Variants in ZNF143 observed in about 807,000 individuals in gnomAD.
ZNF143 encodes the protein SPH-binding factor.
In ZNF143, 49 loss-of-function variants were observed where a neutral mutation model predicts 74.1. The observed-to-expected ratio is 0.66, with a 90% CI of 0.53 to 0.84. The LOEUF (loss-of-function observed/expected upper bound fraction) is 0.84, where lower values mean the gene tolerates loss of function less well. ZNF143 is among the 40% of genes least tolerant of loss of function. The pLI, the probability that ZNF143 is intolerant of heterozygous loss-of-function variation, is 0.00. For synonymous variants in ZNF143, 304 were observed against 282.8 expected (o/e 1.07, Z -0.75); for missense variants, 637 against 793.4 (o/e 0.80, Z 2.37).
chr11:9,496,492 A>T (rs908719589), intron 9 of ZNF143, 114 bp downstream of exon 9: 1 of 834,368 alleles, frequency 1.2e-6, no homozygotes, highest in Non-Finnish European at 2.0e-6. Context: ...GCACATGATC[A>T]GTTTTTCAGT....
chr11:9,461,152 GCCC>G (rs2133788970), intron 1 of ZNF143, 76 bp downstream of exon 1: 1 of 898,470 alleles, frequency 1.1e-6, no homozygotes, highest in Non-Finnish European at 1.3e-6. Flanking sequence ...GGCGGCGCGG[GCCC>G]GCTTGGGCCC....
intron 5 of ZNF143, among the ~76,000 whole-genome samples, chr11:9,476,153 CT>C (rs1205156252): frequency 2.0e-5 from 3 of 150,726 alleles, no homozygotes; most frequent in Non-Finnish European, 3.0e-5. Context: ...TTCAAAGCTA[CT>C]TTTTTTTTGC....
At chr11:9,473,738 A>G (rs1248783723) in intron 3 of ZNF143, 3 of 1,499,748 alleles carry the variant, frequency 2.0e-6, no homozygotes, top group African/African-American at 2.8e-5. Flanking sequence ...ATTGCAGGGG[A>G]GGAAGGATGG....
chr11:9,462,110 A>AT (rs1230741974), intron 1 of ZNF143: 1 of 152,206 alleles, frequency 6.6e-6, no homozygotes, highest in Non-Finnish European at 1.5e-5. Flanking sequence ...AAATAACGTG[A>AT]TAAGGAGATC....
At chr11:9,515,506 T>C (rs1848690863) in intron 13 of ZNF143, among the ~76,000 whole-genome samples, 1 of 151,498 alleles carries the variant, frequency 6.6e-6, no homozygotes, top group Non-Finnish European at 1.5e-5. Context: ...AAAAAAAAAT[T>C]AGCTGGGCGT....
chr11:9,514,554 G>C (rs190602712), intron 13 of ZNF143, among the ~76,000 whole-genome samples: 25 of 152,308 alleles, frequency 1.6e-4, no homozygotes. Context: ...GATACAGAAA[G>C]TGCTGTGGCA....
intron 11 of ZNF143, among the ~76,000 whole-genome samples, chr11:9,501,636 G>A (rs957084311): frequency 2.6e-5 from 4 of 152,062 alleles, no homozygotes; most frequent in Admixed American, 1.3e-4. Context: ...TTTTGGGAGG[G>A]GTTTCTGGGA....
intron 15 of ZNF143, among the ~76,000 whole-genome samples, chr11:9,525,972 C>T (rs934742463): frequency 6.6e-6 from 1 of 151,534 alleles, no homozygotes; most frequent in Non-Finnish European, 1.5e-5. Context: ...TGAAAACCAT[C>T]ACTACAAAAA....
intron 12 of ZNF143, among the ~76,000 whole-genome samples, chr11:9,510,484 A>T (rs981086711): frequency 2.0e-5 from 3 of 152,188 alleles, no homozygotes; most frequent in Admixed American, 6.5e-5. Context: ...TTATTTAAAA[A>T]CAAAACTAAA....
chr11:9,485,093 G>A lies in ZNF143; in HGVS notation c.645+5547G>A, dbSNP rs574348807. Among the ~76,000 whole-genome samples the A allele has an allele frequency of 4.2e-4, 63 of 150,570 alleles. 1 individual carries two copies. In the South Asian group the frequency reaches 6.5e-3, roughly 15 times the overall value. On this transcript the variant is annotated intron_variant, in intron 7 of 15. Transcript: ENST00000396602. ...ATTACAGGCGTGACCCACCGCGCCC[G>A]GCCGCCAAAGATTTTTTAAGATAAT...
Position 9,478,517 on chromosome 11 carries a change from A to C in ZNF143, c.501A>C (p.Ala167=), listed in dbSNP as rs751887230. ...ILAIQADGTV[A]GLHTGDATID... ...CAATTCAGGCTGATGGGACAGTGGC[A>C]GGTCTGCACACTGGGGATGCTACAA... Residue 167 remains alanine, a synonymous_variant, in exon 6 of 16, where the codon GCA becomes GCC. Transcript: ENST00000396602. The C allele has an allele frequency of 6.2e-6, 10 of 1,614,096 alleles. No homozygotes were observed. The South Asian group carries it at 1.1e-4, about 18-fold the overall frequency.
At chr11:9,506,214 C>T (rs186718007) in intron 11 of ZNF143, among the ~76,000 whole-genome samples, 1 of 152,292 alleles carries the variant, frequency 6.6e-6, no homozygotes, top group Non-Finnish European at 1.5e-5. Context: ...TGCCTGTAAT[C>T]CCAGCTACTC....
At chr11:9,518,083 CAA>C (rs959191299) in intron 14 of ZNF143, among the ~76,000 whole-genome samples, 6 of 152,026 alleles carry the variant, frequency 3.9e-5, no homozygotes, top group African/African-American at 1.4e-4. Flanking sequence ...AAAAATGAGC[CAA>C]AAAAGTGTTT....
chr11:9,475,516 A>G (rs962300043), intron 5 of ZNF143, among the ~76,000 whole-genome samples: 4 of 152,198 alleles, frequency 2.6e-5, no homozygotes, highest in African/African-American at 9.7e-5. Flanking sequence ...CCTGGCCTCA[A>G]GCAGTCCTCC....
Position 9,525,281 on chromosome 11 carries a change from C to G in ZNF143, c.1728C>G (p.Ala576=), listed in dbSNP as rs1849083249. 2.5e-6 allele frequency: 4 copies of G among 1,614,026 alleles called. No individual in the cohort carries two copies. Among genetic ancestry groups the G allele is most frequent in the African/African-American group, 2.7e-5 (2 of 74,896 alleles). ...AAGACTTGGCAGCATTCCATACTGCCTCATCAGAAATGGGGCACCAGCAGC... is the reference window on the plus strand; with the variant it reads ...AAGACTTGGCAGCATTCCATACTGCGTCATCAGAAATGGGGCACCAGCAGC... ...VAQDLAAFHT[A]SSEMGHQQHS... Residue 576 remains alanine, a synonymous_variant, in exon 15 of 16, where the codon GCC becomes GCG. Coordinates refer to ENST00000396602, the MANE Select transcript of ZNF143 (RefSeq NM_003442.6).
At chr11:9,515,397 C>T (rs1388818895) in intron 13 of ZNF143, among the ~76,000 whole-genome samples, 6 of 152,074 alleles carry the variant, frequency 3.9e-5, no homozygotes, top group Admixed American at 1.3e-4. Context: ...TGCCTGTAAT[C>T]CCAGCACTTT....
At chr11:9,466,362 C>T (rs778046715) in intron 1 of ZNF143, among the ~76,000 whole-genome samples, 2 of 151,036 alleles carry the variant, frequency 1.3e-5, no homozygotes, top group Non-Finnish European at 2.9e-5. Flanking sequence ...ATGATGTGAT[C>T]TCGGCTCACT....
intron 5 of ZNF143, among the ~76,000 whole-genome samples, chr11:9,476,935 A>AT (rs896053140): frequency 2.7e-5 from 4 of 147,086 alleles, no homozygotes; most frequent in African/African-American, 5.0e-5. Context: ...AATTTTTTGT[A>AT]TTTTTTTTAG....
chr11:9,472,672 A>G lies in ZNF143; in HGVS notation c.113-5A>G, dbSNP rs747968945. 9.3e-6 allele frequency: 15 copies of G among 1,608,606 alleles called. No homozygotes were observed. Among genetic ancestry groups the G allele is most frequent in the Admixed American group, 5.1e-5 (3 of 58,540 alleles). On this transcript the variant is annotated splice_polypyrimidine_tract_variant and splice_region_variant and intron_variant, in intron 2 of 15. Transcript: ENST00000396602. Reference sequence around the variant, plus strand: ...CTAAAGAAAATATTGATTTTTTTGTAATAGATGGTGACAACTTAGAAAATA... The same window carrying G: ...CTAAAGAAAATATTGATTTTTTTGTGATAGATGGTGACAACTTAGAAAATA...
Sources: gnomAD v4.1 joint callset for allele counts (sites outside exome capture counted in the v4.1 genomes callset) on GRCh38, gnomAD v4.1.1 for gene constraint, MANE v1.5 for transcripts, NCBI Gene and HGNC (gene_info 2026-07-23, HGNC 2026-07-21) for gene names.